CDK19: variants seen among roughly 807,000 people sequenced by gnomAD.
CDK19 encodes the protein cyclin-dependent kinase 19.
In CDK19, 20 loss-of-function variants were observed where a neutral mutation model predicts 68.3. That is an observed-to-expected ratio of 0.29 (90% CI 0.21 to 0.43). The LOEUF (loss-of-function observed/expected upper bound fraction) is 0.43, where lower values mean the gene tolerates loss of function less well. CDK19 is among the 20% of genes least tolerant of loss of function. The probability of loss-of-function intolerance (pLI) is 1.00; values close to 1 mark genes in which losing one functional copy is unlikely to be tolerated. For synonymous variants in CDK19, 221 were observed against 222.8 expected (o/e 0.99, Z 0.07); for missense variants, 339 against 623.5 (o/e 0.54, Z 4.86).
intron 1 of CDK19, among the ~76,000 whole-genome samples, chr6:110,788,982 A>C (rs1781421173): frequency 6.6e-6 from 1 of 152,224 alleles, no homozygotes; most frequent in African/African-American, 2.4e-5. Context: ...AATACACAAG[A>C]ACCACAAGTG....
chr6:110,690,375 G>A (rs1772877774), intron 2 of CDK19, among the ~76,000 whole-genome samples: 2 of 152,162 alleles, frequency 1.3e-5, no homozygotes, highest in Admixed American at 1.3e-4. Context: ...TAGCTTCCCT[G>A]CTGACCTGGC....
chr6:110,725,012 C>T (rs1562235599), intron 2 of CDK19, among the ~76,000 whole-genome samples: 1 of 152,092 alleles, frequency 6.6e-6, no homozygotes, highest in African/African-American at 2.4e-5. Context: ...CCAACTGATA[C>T]CTACTATGTG....
At chr6:110,628,665 C>A (rs1779248489) in intron 6 of CDK19, among the ~76,000 whole-genome samples, 1 of 152,170 alleles carries the variant, frequency 6.6e-6, no homozygotes, top group Non-Finnish European at 1.5e-5. Context: ...ATATTCCCAG[C>A]AGATAAGTGG....
rs141058530 is a variant in CDK19, at chr6:110,689,152, G to C, written c.205-18611C>G. ...GCATACTACTCCCCACTCCCTGCAT[G>C]AACTCTTCTGTGCAGCAGAGGCAGC... On this transcript the variant is annotated intron_variant, in intron 2 of 12. Transcript: ENST00000368911. Among the ~76,000 whole-genome samples, 233 of 152,244 alleles carry C rather than the reference G, an allele frequency of 1.5e-3. 2 individuals are homozygous for C. The highest frequency in any genetic ancestry group is 5.5e-3 in the African/African-American group (228 of 41,532).
At chr6:110,651,575 A>C (rs774299783) in intron 4 of CDK19, among the ~76,000 whole-genome samples, 1 of 152,226 alleles carries the variant, frequency 6.6e-6, no homozygotes, top group Non-Finnish European at 1.5e-5. Context: ...CTCTAAAAAA[A>C]ATACATTCGT....
At chr6:110,676,515 A>C (rs1380215001) in intron 2 of CDK19, among the ~76,000 whole-genome samples, 2 of 152,204 alleles carry the variant, frequency 1.3e-5, no homozygotes, top group African/African-American at 2.4e-5. Flanking sequence ...TCAAGAAAGG[A>C]AGAGTTCATT....
At chr6:110,623,409 T>C (rs773745861) in intron 8 of CDK19, 47 bp from the exon 9 acceptor site, 2 of 1,585,288 alleles carry the variant, frequency 1.3e-6, no homozygotes, top group Non-Finnish European at 1.7e-6. Context: ...ACTCATCCAA[T>C]TGATATTTCT....
intron 2 of CDK19, among the ~76,000 whole-genome samples, chr6:110,682,717 AT>A (rs1438216890): frequency 6.6e-6 from 1 of 152,222 alleles, no homozygotes; most frequent in Non-Finnish European, 1.5e-5. Flanking sequence ...TGCAAAAAAT[AT>A]AGGTTTTAGA....
rs573181398 is a variant in CDK19 at position 110,642,589 on chromosome 6, T to C, written c.457-3883A>G. Among the ~76,000 whole-genome samples, 8 of 152,214 alleles carry C rather than the reference T, an allele frequency of 5.3e-5. No homozygotes were observed. In the East Asian group the frequency reaches 1.5e-3, roughly 29 times the overall value. ...GAAAACAAAAAGAGAATACAAGAGA[T>C]TGTCAAATCTGCTATTATGGCTGAC... On this transcript the variant is annotated intron_variant, in intron 4 of 12. Transcript: ENST00000368911.
intron 2 of CDK19, among the ~76,000 whole-genome samples, chr6:110,688,019 T>C (rs1347953417): frequency 6.6e-6 from 1 of 152,154 alleles, no homozygotes; most frequent in Non-Finnish European, 1.5e-5. Flanking sequence ...TGTTCTCCAG[T>C]GTAAGTTCTG....
chr6:110,810,070 A>G (rs1402948443), intron 1 of CDK19, among the ~76,000 whole-genome samples: 1 of 152,202 alleles, frequency 6.6e-6, no homozygotes, highest in Non-Finnish European at 1.5e-5. Flanking sequence ...AACAAAGAAA[A>G]TGAGACATGA....
At chr6:110,731,109 A>G (rs889033959) in intron 2 of CDK19, among the ~76,000 whole-genome samples, 2 of 144,374 alleles carry the variant, frequency 1.4e-5, no homozygotes, top group Admixed American at 1.4e-4. Context: ...AGAAAAGAAA[A>G]GAAAGGAAAA....
intron 2 of CDK19, among the ~76,000 whole-genome samples, chr6:110,714,174 A>C (rs1315381095): frequency 6.6e-6 from 1 of 152,238 alleles, no homozygotes; most frequent in East Asian, 1.9e-4. Context: ...CATATAAATG[A>C]AACTATACAA....
intron 2 of CDK19, among the ~76,000 whole-genome samples, chr6:110,688,868 A>G (rs986916734): frequency 7.9e-5 from 12 of 152,172 alleles, no homozygotes; most frequent in African/African-American, 2.7e-4. Flanking sequence ...ATGTAACCTC[A>G]AGTGGGGACA....
At chr6:110,661,287 G>A (rs532806924) in intron 4 of CDK19, among the ~76,000 whole-genome samples, 79 of 152,158 alleles carry the variant, frequency 5.2e-4, no homozygotes, top group Non-Finnish European at 9.3e-4. Flanking sequence ...TTCTGGATAG[G>A]CCCATTGTAT....
chr6:110,650,049 T>TA (rs137909946), intron 4 of CDK19, among the ~76,000 whole-genome samples: 7,265 of 152,084 alleles, frequency 0.048, 183 homozygotes, highest in Middle Eastern at 0.085. Flanking sequence ...AAAACAGCAA[T>TA]AAAAAAATCA....
chr6:110,646,030 G>A, intron 4 of CDK19: 2 of 944,960 alleles, frequency 2.1e-6, no homozygotes, highest in Middle Eastern at 2.1e-4. Context: ...CGGGACCTGC[G>A]TGCCATCTAC....
At chr6:110,769,979 T>C (rs540665653) in intron 1 of CDK19, among the ~76,000 whole-genome samples, 69 of 152,216 alleles carry the variant, frequency 4.5e-4, no homozygotes, top group African/African-American at 1.6e-3. Flanking sequence ...AAATAGCCAC[T>C]GAAAAAAGTA....
At chr6:110,670,625 T>C in intron 2 of CDK19, 84 bp from the exon 3 acceptor site, 1 of 818,300 alleles carries the variant, frequency 1.2e-6, no homozygotes, top group Non-Finnish European at 2.1e-6. Flanking sequence ...CAAAACGAAA[T>C]TTCTGAAAAT....
Sources: allele counts gnomAD v4.1 joint callset (sites outside exome capture counted in the v4.1 genomes callset), GRCh38; gene constraint gnomAD v4.1.1; transcripts MANE v1.5; gene names NCBI Gene and HGNC (gene_info 2026-07-23, HGNC 2026-07-21).